The following MEMO1 variants were observed in gnomAD, a reference collection of about 807,000 sequenced individuals.
MEMO1 encodes the protein mediator of cell motility 1.
A neutral mutation model predicts 45.2 loss-of-function variants in MEMO1; 6 were observed. The observed-to-expected ratio is 0.13, with a 90% CI of 0.07 to 0.26. MEMO1 has a LOEUF of 0.26. MEMO1 is among the 10% of genes least tolerant of loss of function. The pLI, the probability that MEMO1 is intolerant of heterozygous loss-of-function variation, is 1.00. For missense variants in MEMO1, 184 were observed against 370.5 expected (o/e 0.50, Z 4.13); for synonymous variants, 78 against 124.3 (o/e 0.63, Z 2.48).
chr2:31,939,590 A>G (rs1337915972), intron 3 of MEMO1, among the ~76,000 whole-genome samples: 2 of 152,228 alleles, frequency 1.3e-5, no homozygotes, highest in Non-Finnish European at 2.9e-5. Context: ...GTAGCATACC[A>G]TAATAGTCAA....
chr2:31,885,398 G>A (rs1676041370), intron 7 of MEMO1, among the ~76,000 whole-genome samples: 1 of 152,236 alleles, frequency 6.6e-6, no homozygotes, highest in South Asian at 2.1e-4. Context: ...GGGATTACAG[G>A]CGTGAGCCAC....
intron 6 of MEMO1, among the ~76,000 whole-genome samples, chr2:31,916,517 C>T (rs1367833736): frequency 1.3e-5 from 2 of 152,230 alleles, no homozygotes; most frequent in Admixed American, 6.5e-5. Flanking sequence ...ACAAGCACCA[C>T]TGCACCCAAA....
intron 3 of MEMO1, among the ~76,000 whole-genome samples, chr2:31,939,295 A>G (rs1343842652): frequency 1.3e-5 from 2 of 152,184 alleles, no homozygotes; most frequent in Non-Finnish European, 2.9e-5. Flanking sequence ...TGTTTATTAT[A>G]ACATTTATTA....
intron 2 of MEMO1, among the ~76,000 whole-genome samples, chr2:31,956,005 G>A (rs1667374352): frequency 6.6e-6 from 1 of 152,116 alleles, no homozygotes; most frequent in South Asian, 2.1e-4. Flanking sequence ...TCTGACAAAA[G>A]GGTCCAGTAC....
At chr2:31,946,843 A>G (rs1029198009) in intron 2 of MEMO1, among the ~76,000 whole-genome samples, 2 of 152,190 alleles carry the variant, frequency 1.3e-5, no homozygotes, top group African/African-American at 4.8e-5. Flanking sequence ...TCCATTGCAA[A>G]AAAAAGAAAA....
In MEMO1 at chr2:31,877,620, G is replaced by A. The variant is rs373282206; in HGVS notation, c.657+5766C>T. On this transcript the variant is annotated intron_variant, in intron 8 of 9. Transcript: ENST00000404530. ...TTTGTTTACAAGTTTACTAAGAATT[G>A]TTCACCATTTTGGAAAATCAAGTCA... Among the ~76,000 whole-genome samples the A allele has an allele frequency of 4.5e-4, 69 of 152,294 alleles. No homozygotes were observed. In the South Asian group the frequency reaches 6.6e-3, roughly 15 times the overall value.
At chr2:31,876,472 T>C (rs897980599) in intron 8 of MEMO1, among the ~76,000 whole-genome samples, 7 of 152,178 alleles carry the variant, frequency 4.6e-5, no homozygotes, top group African/African-American at 1.7e-4. Context: ...CCTTTTAAAA[T>C]TAACACATAT....
intron 8 of MEMO1, among the ~76,000 whole-genome samples, chr2:31,876,285 G>A (rs546932705): frequency 3.3e-5 from 5 of 152,030 alleles, no homozygotes; most frequent in East Asian, 1.9e-4. Context: ...TGCTCTTCCC[G>A]CTGATCTTTA....
At chr2:31,903,310 A>G (rs780631912) in intron 6 of MEMO1, among the ~76,000 whole-genome samples, 16 of 150,952 alleles carry the variant, frequency 1.1e-4, no homozygotes, top group Non-Finnish European at 5.9e-5. Flanking sequence ...AGCCAGTCAG[A>G]AGGGACAGGA....
intron 2 of MEMO1, among the ~76,000 whole-genome samples, chr2:31,972,132 T>C (rs560933046): frequency 2.0e-4 from 31 of 152,320 alleles, no homozygotes; most frequent in Admixed American, 1.4e-3. Context: ...TTTTTTATAA[T>C]AATCTCTCAA....
chr2:31,948,146 T>C (rs1412683338), intron 2 of MEMO1, among the ~76,000 whole-genome samples: 1 of 152,230 alleles, frequency 6.6e-6, no homozygotes, highest in Non-Finnish European at 1.5e-5. Flanking sequence ...ACAGTTGTCA[T>C]GGAATTCGCA....
At chr2:31,908,823 G>A (rs555889198) in intron 6 of MEMO1, among the ~76,000 whole-genome samples, 8 of 152,306 alleles carry the variant, frequency 5.3e-5, no homozygotes, top group African/African-American at 1.9e-4. Flanking sequence ...GAGTTTAACA[G>A]ACTTGGAGTA....
intron 8 of MEMO1, among the ~76,000 whole-genome samples, chr2:31,870,391 TG>T (rs1673523631): frequency 2.0e-5 from 3 of 152,288 alleles, no homozygotes; most frequent in African/African-American, 7.2e-5. Flanking sequence ...CCTATTGGCA[TG>T]AAAAATCAAG....
chr2:31,996,602 T>C (rs956274574), intron 2 of MEMO1, among the ~76,000 whole-genome samples: 4 of 152,058 alleles, frequency 2.6e-5, no homozygotes, highest in Admixed American at 6.6e-5. Flanking sequence ...GATGGAAATT[T>C]CAACACTGCT....
chr2:31,906,916 T>C (rs1046738886), intron 6 of MEMO1, among the ~76,000 whole-genome samples: 5 of 152,146 alleles, frequency 3.3e-5, no homozygotes, highest in African/African-American at 1.2e-4. Flanking sequence ...TAGCTATAAA[T>C]ATCTGTATAA....
At chr2:31,922,605 T>C (rs1403544775) in intron 4 of MEMO1, among the ~76,000 whole-genome samples, 2 of 151,996 alleles carry the variant, frequency 1.3e-5, no homozygotes. Context: ...ATTCCATAAG[T>C]AGTTTTTTTA....
intron 2 of MEMO1, among the ~76,000 whole-genome samples, chr2:31,948,883 C>G (rs1040364549): frequency 1.3e-5 from 2 of 152,106 alleles, no homozygotes; most frequent in Admixed American, 1.3e-4. Flanking sequence ...CATCAATAAC[C>G]AGAATACACA....
At chr2:31,965,363 T>C (rs1366577351) in intron 2 of MEMO1, among the ~76,000 whole-genome samples, 2 of 151,694 alleles carry the variant, frequency 1.3e-5, no homozygotes, top group African/African-American at 4.8e-5. Flanking sequence ...GTCAAAGTAA[T>C]GTGGTGGGAG....
chr2:31,903,199 C>T lies in MEMO1; in HGVS notation c.438-11065G>A, dbSNP rs193240450. Among the ~76,000 whole-genome samples the T allele has an allele frequency of 1.1e-3, 160 of 152,142 alleles. 1 individual carries two copies. Among genetic ancestry groups the T allele is most frequent in the African/African-American group, 3.8e-3 (158 of 41,494 alleles). ...AACATTGACGAATATGCAAATTTTC[C>T]TTCCTATACAAATTCTTCCAGTTTC... On this transcript the variant is annotated intron_variant, in intron 6 of 9. Transcript: ENST00000404530.
Sources: allele counts gnomAD v4.1 joint callset (sites outside exome capture counted in the v4.1 genomes callset), GRCh38; gene constraint gnomAD v4.1.1; transcripts MANE v1.5; gene names NCBI Gene and HGNC (gene_info 2026-07-23, HGNC 2026-07-21).